Variants in PDE4D observed in about 807,000 individuals in gnomAD.
PDE4D encodes the protein phosphodiesterase 4D, also known as 3',5'-cyclic-AMP phosphodiesterase 4D.
A neutral mutation model predicts 87.4 loss-of-function variants in PDE4D; 24 were observed. The observed-to-expected ratio is 0.27, with a 90% confidence interval of 0.20 to 0.39. PDE4D has a LOEUF of 0.39. Ranked by LOEUF, PDE4D falls within the 10% of genes least tolerant of loss-of-function variation. PDE4D has a pLI of 1.00. For missense variants in PDE4D, 714 were observed against 1,041.0 expected, an observed-to-expected ratio of 0.69 and a Z score of 4.32; for synonymous variants, 384 against 383.2, an observed-to-expected ratio of 1.00 and a Z score of -0.02.
chr5:60,270,671 G>A (rs900777472), intron 1 of PDE4D, among the ~76,000 whole-genome samples: 13 of 152,158 alleles, frequency 8.5e-5, no homozygotes, highest in African/African-American at 2.6e-4. Flanking sequence ...AACTAATTCA[G>A]TGATGACATT....
intron 6 of PDE4D, among the ~76,000 whole-genome samples, chr5:59,015,960 T>G (rs149177053): frequency 0.037 from 5,704 of 152,208 alleles, 167 homozygotes; most frequent in Non-Finnish European, 0.056. Flanking sequence ...AAGGATGAGT[T>G]CATCATGTCC....
intron 1 of PDE4D, among the ~76,000 whole-genome samples, chr5:60,366,871 G>T (rs1760596836): frequency 6.6e-6 from 1 of 152,124 alleles, no homozygotes; most frequent in Non-Finnish European, 1.5e-5. Flanking sequence ...GATTAAAAGG[G>T]CATGAATATC....
At chr5:59,561,775 C>CA (rs1053300465) in intron 1 of PDE4D, among the ~76,000 whole-genome samples, 6 of 151,246 alleles carry the variant, frequency 4.0e-5, no homozygotes, top group African/African-American at 9.7e-5. Context: ...ACTAAAAATT[C>CA]AAAAAAATTA....
chr5:59,948,857 G>A (rs1380799085), intron 3 of PDE4D, among the ~76,000 whole-genome samples: 2 of 152,162 alleles, frequency 1.3e-5, no homozygotes, highest in Non-Finnish European at 2.9e-5. Flanking sequence ...CTACCTTAAT[G>A]ACCTTAAGCA....
intron 10 of PDE4D, among the ~76,000 whole-genome samples, chr5:58,988,931 T>C (rs1019867627): frequency 2.0e-5 from 3 of 152,212 alleles, no homozygotes; most frequent in Admixed American, 6.5e-5. Context: ...AAAATGTACA[T>C]AAAATTAGTA....
At chr5:59,497,929 A>C (rs1391305635) in intron 1 of PDE4D, among the ~76,000 whole-genome samples, 1 of 152,090 alleles carries the variant, frequency 6.6e-6, no homozygotes, top group African/African-American at 2.4e-5. Flanking sequence ...TAGAGAAAAC[A>C]GTCATATCAT....
At chr5:59,800,333 G>C (rs942858543) in intron 1 of PDE4D, among the ~76,000 whole-genome samples, 17 of 152,046 alleles carry the variant, frequency 1.1e-4, no homozygotes, top group Non-Finnish European at 1.6e-4. Context: ...TGAAAGAAAT[G>C]CAACAACCAA....
At chr5:59,475,240 G>A (rs1803120147) in intron 1 of PDE4D, among the ~76,000 whole-genome samples, 1 of 152,044 alleles carries the variant, frequency 6.6e-6, no homozygotes, top group Non-Finnish European at 1.5e-5. Context: ...TACGGGGCCT[G>A]CAAACGGACA....
Position 60,312,610 on chromosome 5 carries a change from T to C in PDE4D, c.-89-126923A>G, listed in dbSNP as rs148755033. ...ATGCTTATAAAACCATCAGATCTCATGAGAACTCACTATCACAAGAACCAC... is the reference window on the plus strand; with the variant it reads ...ATGCTTATAAAACCATCAGATCTCACGAGAACTCACTATCACAAGAACCAC... On this transcript the variant is annotated intron_variant, in intron 1 of 16. Coordinates refer to the PDE4D transcript ENST00000502484. 2.9e-3 allele frequency among the ~76,000 whole-genome samples: 444 copies of C among 152,232 alleles called. 1 individual carries two copies. Among genetic ancestry groups the C allele is most frequent in the African/African-American group, 9.4e-3 (389 of 41,524 alleles).
intron 5 of PDE4D, among the ~76,000 whole-genome samples, chr5:59,049,728 T>G (rs1305634667): frequency 4.6e-5 from 7 of 152,232 alleles, no homozygotes; most frequent in Non-Finnish European, 1.0e-4. Context: ...CTGACTTCCC[T>G]GAAGTCACCA....
chr5:59,510,246 A>T (rs1810062962), intron 1 of PDE4D, among the ~76,000 whole-genome samples: 1 of 151,414 alleles, frequency 6.6e-6, no homozygotes, highest in Admixed American at 6.6e-5. Flanking sequence ...AAAGCAATAG[A>T]ATTAAATCAC....
At chr5:60,169,517 T>G (rs1783224071) in intron 2 of PDE4D, among the ~76,000 whole-genome samples, 1 of 152,080 alleles carries the variant, frequency 6.6e-6, no homozygotes, top group Non-Finnish European at 1.5e-5. Flanking sequence ...AGTTGGTTTC[T>G]AAATCTATCT....
intron 2 of PDE4D, among the ~76,000 whole-genome samples, chr5:59,199,143 T>G (rs1259461041): frequency 6.6e-6 from 1 of 152,230 alleles, no homozygotes; most frequent in Admixed American, 6.5e-5. Context: ...TTAGTGGCCA[T>G]GTAAGACCCA....
At chr5:60,478,897 C>A (rs976744580) in intron 1 of PDE4D, among the ~76,000 whole-genome samples, 4 of 152,080 alleles carry the variant, frequency 2.6e-5, no homozygotes, top group African/African-American at 7.2e-5. Context: ...GAAAGTGAAC[C>A]AAATCGAGAA....
chr5:59,332,841 C>G (rs948644579), intron 1 of PDE4D, among the ~76,000 whole-genome samples: 2 of 152,166 alleles, frequency 1.3e-5, no homozygotes, highest in Non-Finnish European at 2.9e-5. Context: ...CTTCCTCCTT[C>G]CCTCTCACTA....
chr5:60,196,295 C>T (rs1029237391), intron 1 of PDE4D, among the ~76,000 whole-genome samples: 12 of 151,582 alleles, frequency 7.9e-5, no homozygotes, highest in Admixed American at 7.2e-4. Context: ...TTCCTCCCAC[C>T]TAAAATAATT....
At chr5:60,264,541 A>G (rs995251795) in intron 1 of PDE4D, among the ~76,000 whole-genome samples, 1 of 152,256 alleles carries the variant, frequency 6.6e-6, no homozygotes, top group Non-Finnish European at 1.5e-5. Flanking sequence ...GGGAGGCACT[A>G]AAGTCCTTTC....
intron 1 of PDE4D, among the ~76,000 whole-genome samples, chr5:59,688,310 T>C (rs532327103): frequency 1.3e-5 from 2 of 152,298 alleles, no homozygotes; most frequent in East Asian, 1.9e-4. Flanking sequence ...ATTGACCATA[T>C]AGTTGGAAGT....
intron 1 of PDE4D, among the ~76,000 whole-genome samples, chr5:59,504,902 A>ATGTG (rs61507201): frequency 0.058 from 8,419 of 145,716 alleles, 338 homozygotes; most frequent in East Asian, 0.18. Flanking sequence ...GTAGGGGTAT[A>ATGTG]TGTGTGTGTG....
Sources: allele counts gnomAD v4.1 joint callset (sites outside exome capture counted in the v4.1 genomes callset), GRCh38; gene constraint gnomAD v4.1.1; transcripts MANE v1.5; gene names NCBI Gene and HGNC (gene_info 2026-07-23, HGNC 2026-07-21).